Variants in FOXN3 observed in about 807,000 individuals in gnomAD.
FOXN3 encodes the protein forkhead box protein N3.
Under a neutral mutation model 38.4 loss-of-function variants are expected in FOXN3, and 7 were observed. The observed-to-expected ratio is 0.18, with a 90% CI of 0.10 to 0.34. The LOEUF (loss-of-function observed/expected upper bound fraction) is 0.34, where lower values mean the gene tolerates loss of function less well. FOXN3 is among the 10% of genes least tolerant of loss of function. The pLI is 1.00. For missense variants in FOXN3, 456 were observed against 613.4 expected (o/e 0.74, Z 2.71); for synonymous variants, 230 against 242.2 (o/e 0.95, Z 0.47).
chr14:89,518,772 T>C (rs1277798055), intron 1 of FOXN3, among the ~76,000 whole-genome samples: 1 of 152,080 alleles, frequency 6.6e-6, no homozygotes, highest in Non-Finnish European at 1.5e-5. Flanking sequence ...ATCCCAGCAT[T>C]TTGGGAGGCT....
chr14:89,591,949 A>T (rs1444843948), intron 1 of FOXN3, among the ~76,000 whole-genome samples: 3 of 152,188 alleles, frequency 2.0e-5, no homozygotes, highest in African/African-American at 7.2e-5. Flanking sequence ...AGCCAGTAAG[A>T]AAAACAAGAA....
chr14:89,279,306 C>A (rs1886390846), intron 4 of FOXN3, among the ~76,000 whole-genome samples: 1 of 152,206 alleles, frequency 6.6e-6, no homozygotes, highest in Middle Eastern at 3.2e-3. Context: ...GAAGTCTACA[C>A]CCGCAGGATA....
chr14:89,170,791 A>G (rs1480627852), intron 5 of FOXN3, among the ~76,000 whole-genome samples: 1 of 152,214 alleles, frequency 6.6e-6, no homozygotes, highest in Non-Finnish European at 1.5e-5. Flanking sequence ...TGGGTCAAAG[A>G]AAAAATCAAA....
intron 1 of FOXN3, among the ~76,000 whole-genome samples, chr14:89,487,237 G>A (rs1337639875): frequency 6.6e-6 from 1 of 152,256 alleles, no homozygotes; most frequent in African/African-American, 2.4e-5. Flanking sequence ...TGGTACATGA[G>A]ACAGATTGCA....
intron 4 of FOXN3, chr14:89,222,969 A>G (rs1290184456): frequency 6.6e-6 from 1 of 152,016 alleles, no homozygotes; most frequent in Middle Eastern, 3.4e-3. Flanking sequence ...GGGTCTCACT[A>G]TGTTGCCCAG....
At chr14:89,303,029 T>C (rs141734482) in intron 3 of FOXN3, among the ~76,000 whole-genome samples, 48 of 152,338 alleles carry the variant, frequency 3.2e-4, no homozygotes, top group African/African-American at 1.0e-3. Flanking sequence ...CAGTCAATCG[T>C]GTGCTCAAAA....
chr14:89,281,275 A>T (rs1394577725), intron 3 of FOXN3, among the ~76,000 whole-genome samples: 1 of 152,188 alleles, frequency 6.6e-6, no homozygotes, highest in African/African-American at 2.4e-5. Context: ...CAGATACACA[A>T]AATGGCAAAT....
At chr14:89,190,717 T>C (rs554643258) in intron 4 of FOXN3, among the ~76,000 whole-genome samples, 36 of 152,368 alleles carry the variant, frequency 2.4e-4, no homozygotes, top group Admixed American at 6.5e-4. Flanking sequence ...TAATTTGCAC[T>C]GTATGTTCCT....
At chr14:89,426,709 G>A (rs978655164) in intron 1 of FOXN3, among the ~76,000 whole-genome samples, 2 of 152,214 alleles carry the variant, frequency 1.3e-5, no homozygotes, top group African/African-American at 2.4e-5. Flanking sequence ...ATCATGTGAA[G>A]TAGGTACTAT....
intron 2 of FOXN3, among the ~76,000 whole-genome samples, chr14:89,352,192 A>G (rs1471891199): frequency 6.6e-6 from 1 of 152,198 alleles, no homozygotes; most frequent in African/African-American, 2.4e-5. Context: ...TTAAACATCA[A>G]TGTTCTCAGT....
chr14:89,358,262 C>T (rs1020454065), intron 2 of FOXN3, among the ~76,000 whole-genome samples: 1 of 152,212 alleles, frequency 6.6e-6, no homozygotes, highest in African/African-American at 2.4e-5. Context: ...GCCCACTGCC[C>T]TACAGCTCCA....
chr14:89,218,411 A>C (rs1884352850), intron 4 of FOXN3, among the ~76,000 whole-genome samples: 1 of 152,238 alleles, frequency 6.6e-6, no homozygotes, highest in African/African-American at 2.4e-5. Flanking sequence ...TTTTCCCTAA[A>C]GGTAACCTTA....
chr14:89,572,578 C>A (rs544515023), intron 1 of FOXN3, among the ~76,000 whole-genome samples: 4 of 152,360 alleles, frequency 2.6e-5, no homozygotes, highest in African/African-American at 9.6e-5. Flanking sequence ...ACCCTTCATC[C>A]TACCTTTGTG....
chr14:89,342,291 G>A (rs555714594), intron 3 of FOXN3, among the ~76,000 whole-genome samples: 1 of 152,270 alleles, frequency 6.6e-6, no homozygotes, highest in East Asian at 1.9e-4. Flanking sequence ...TTGGATGACT[G>A]GGCATAATAT....
intron 3 of FOXN3, chr14:89,349,860 C>T (rs1175807709): frequency 6.6e-6 from 1 of 152,228 alleles, no homozygotes; most frequent in Non-Finnish European, 1.5e-5. Context: ...TTAACCTCAA[C>T]TTGCAGTCCA....
At chr14:89,401,015 C>G (rs766864140) in intron 2 of FOXN3, among the ~76,000 whole-genome samples, 1 of 152,182 alleles carries the variant, frequency 6.6e-6, no homozygotes, top group Non-Finnish European at 1.5e-5. Flanking sequence ...CAGAGGTCAC[C>G]ACTGTATCCT....
At chr14:89,317,131 C>CA (rs147883605) in intron 3 of FOXN3, among the ~76,000 whole-genome samples, 16 of 151,562 alleles carry the variant, frequency 1.1e-4, no homozygotes, top group East Asian at 1.9e-4. Flanking sequence ...GTACCTAATG[C>CA]AAAAAAACAA....
At chr14:89,375,248 C>T (rs1259922410) in intron 2 of FOXN3, among the ~76,000 whole-genome samples, 1 of 151,948 alleles carries the variant, frequency 6.6e-6, no homozygotes, top group East Asian at 1.9e-4. Context: ...TTCACTAATC[C>T]CTCTGTTCAT....
intron 1 of FOXN3, among the ~76,000 whole-genome samples, chr14:89,533,108 A>G (rs1894606430): frequency 6.6e-6 from 1 of 152,226 alleles, no homozygotes; most frequent in Non-Finnish European, 1.5e-5. Context: ...TTGAGAATGT[A>G]AATAGGCACT....
Sources: gnomAD v4.1 joint callset for allele counts (sites outside exome capture counted in the v4.1 genomes callset) on GRCh38, gnomAD v4.1.1 for gene constraint, MANE v1.5 for transcripts, NCBI Gene and HGNC (gene_info 2026-07-23, HGNC 2026-07-21) for gene names.